Variants in RARB observed in about 807,000 individuals in gnomAD.
RARB encodes HBV-activated protein.
A neutral mutation model predicts 51.9 loss-of-function variants in RARB; 17 were observed. The ratio of observed to expected loss-of-function variants is 0.33; its 90% CI spans 0.22 to 0.49. The LOEUF (loss-of-function observed/expected upper bound fraction) is 0.49, where lower values mean the gene tolerates loss of function less well. RARB is among the 20% of genes least tolerant of loss of function. The pLI, the probability that RARB is intolerant of heterozygous loss-of-function variation, is 0.99. For missense variants in RARB, 369 were observed against 550.8 expected (o/e 0.67, Z 3.30); for synonymous variants, 215 against 195.4 (o/e 1.10, Z -0.84).
chr3:25,446,795 T>G (rs1172670755), intron 1 of RARB, among the ~76,000 whole-genome samples: 1 of 88,776 alleles, frequency 1.1e-5, no homozygotes, highest in East Asian at 3.1e-4. Context: ...AGAGCCAGAC[T>G]CCGTCTCAAA....
chr3:25,277,940 A>G (rs1345887888), intron 5 of RARB, among the ~76,000 whole-genome samples: 2 of 152,220 alleles, frequency 1.3e-5, no homozygotes, highest in Non-Finnish European at 2.9e-5. Context: ...TTTTCTGCTT[A>G]CATAAATGAT....
At chr3:25,062,842 C>G (rs1698578109) in intron 3 of RARB, among the ~76,000 whole-genome samples, 1 of 151,896 alleles carries the variant, frequency 6.6e-6, no homozygotes, top group Non-Finnish European at 1.5e-5. Flanking sequence ...TCAAATTAGA[C>G]CATTGTGACA....
chr3:25,321,693 G>C (rs1704574577), intron 5 of RARB, among the ~76,000 whole-genome samples: 1 of 151,630 alleles, frequency 6.6e-6, no homozygotes, highest in African/African-American at 2.4e-5. Flanking sequence ...TCCCAGCCTG[G>C]GTGGCAGAGT....
intron 1 of RARB, among the ~76,000 whole-genome samples, chr3:25,460,186 C>G (rs1695106123): frequency 6.6e-6 from 1 of 152,156 alleles, no homozygotes; most frequent in African/African-American, 2.4e-5. Context: ...GGGATTTCAT[C>G]AAAATGCAGA....
intron 5 of RARB, among the ~76,000 whole-genome samples, chr3:25,214,159 T>G (rs1405813510): frequency 5.9e-5 from 9 of 152,178 alleles, no homozygotes; most frequent in African/African-American, 2.2e-4. Flanking sequence ...TTTTGAAAGT[T>G]TGAAACTCAG....
Position 25,044,238 on chromosome 3 carries a change from A to G in RARB, c.-379-15887A>G, listed in dbSNP as rs557433626. Among the ~76,000 whole-genome samples the G allele has an allele frequency of 1.8e-3, 277 of 152,328 alleles. 1 individual carries two copies. The highest frequency in any genetic ancestry group is 2.6e-3 in the Non-Finnish European group (175 of 68,026). ...CCTTCAAGGACTAATGACAGCTGCAACATTTGATGTATGTGTGATTCTGAC... is the reference window on the plus strand; with the variant it reads ...CCTTCAAGGACTAATGACAGCTGCAGCATTTGATGTATGTGTGATTCTGAC... On this transcript the variant is annotated intron_variant, in intron 2 of 11. Transcript: ENST00000383772.
chr3:25,309,856 C>T, intron 5 of RARB, among the ~76,000 whole-genome samples: 1 of 152,000 alleles, frequency 6.6e-6, no homozygotes, highest in East Asian at 1.9e-4. Flanking sequence ...TTTACATTAC[C>T]CCTACACATG....
chr3:25,403,690 G>T (rs1366140892), intron 5 of RARB, among the ~76,000 whole-genome samples: 1 of 151,972 alleles, frequency 6.6e-6, no homozygotes, highest in East Asian at 1.9e-4. Flanking sequence ...ATCTCAAACT[G>T]TATTACCATC....
chr3:25,399,156 G>T (rs1707199205), intron 5 of RARB, among the ~76,000 whole-genome samples: 1 of 152,146 alleles, frequency 6.6e-6, no homozygotes, highest in Non-Finnish European at 1.5e-5. Flanking sequence ...CTAGCTCCGT[G>T]TATCACTATG....
At chr3:25,425,223 G>A (rs777237194), upstream of RARB, among the ~76,000 whole-genome samples, 1 of 152,054 alleles carries the variant, frequency 6.6e-6, no homozygotes, top group Non-Finnish European at 1.5e-5. Context: ...CGGACAAATC[G>A]GTCTATTTTT....
intron 2 of RARB, among the ~76,000 whole-genome samples, chr3:24,883,133 A>G (rs1000619008): frequency 6.6e-6 from 1 of 152,114 alleles, no homozygotes; most frequent in Non-Finnish European, 1.5e-5. Context: ...ACTTGAAACA[A>G]CAAAAAATCT....
intron 2 of RARB, among the ~76,000 whole-genome samples, chr3:25,047,875 G>A (rs928811030): frequency 6.6e-6 from 1 of 152,134 alleles, no homozygotes; most frequent in Non-Finnish European, 1.5e-5. Flanking sequence ...ACCTTGAATT[G>A]TAATAATCCC....
chr3:25,426,548 T>C (rs1707994563), upstream of RARB, among the ~76,000 whole-genome samples: 1 of 152,224 alleles, frequency 6.6e-6, no homozygotes, highest in Non-Finnish European at 1.5e-5. Context: ...GACAGGCTTT[T>C]AAAAGGCCCG....
At chr3:24,962,363 C>T (rs1164200819) in intron 2 of RARB, among the ~76,000 whole-genome samples, 1 of 152,194 alleles carries the variant, frequency 6.6e-6, no homozygotes, top group Non-Finnish European at 1.5e-5. Flanking sequence ...AGTAACATTC[C>T]TGTCCTCTAC....
intron 5 of RARB, among the ~76,000 whole-genome samples, chr3:25,323,145 A>T (rs1704620366): frequency 7.7e-6 from 1 of 130,114 alleles, no homozygotes; most frequent in Admixed American, 7.5e-5. Flanking sequence ...AGGCAAAAAC[A>T]TGGAGGCTCA....
chr3:25,467,575 A>T (rs1003701332), intron 2 of RARB, among the ~76,000 whole-genome samples: 1 of 147,262 alleles, frequency 6.8e-6, no homozygotes, highest in East Asian at 2.0e-4. Context: ...CTCTGCTTGT[A>T]TCACATTTGC....
intron 2 of RARB, among the ~76,000 whole-genome samples, chr3:25,471,064 C>T (rs1472934334): frequency 6.6e-6 from 1 of 152,116 alleles, no homozygotes; most frequent in Non-Finnish European, 1.5e-5. Flanking sequence ...TAGTATATTA[C>T]TTTCATACAT....
chr3:25,039,046 AT>A (rs1039457875), intron 2 of RARB, among the ~76,000 whole-genome samples: 4 of 152,202 alleles, frequency 2.6e-5, no homozygotes, highest in African/African-American at 9.7e-5. Flanking sequence ...CTCTGAAGTT[AT>A]TTGTTGACAT....
intron 2 of RARB, among the ~76,000 whole-genome samples, chr3:24,882,576 A>G (rs1358757376): frequency 1.3e-5 from 2 of 152,234 alleles, no homozygotes; most frequent in African/African-American, 4.8e-5. Context: ...CTATGGGACC[A>G]TAATAACATC....
Sources: gnomAD v4.1 joint callset for allele counts (sites outside exome capture counted in the v4.1 genomes callset) on GRCh38, gnomAD v4.1.1 for gene constraint, MANE v1.5 for transcripts, NCBI Gene and HGNC (gene_info 2026-07-23, HGNC 2026-07-21) for gene names.